PDE10A: variants seen among roughly 807,000 people sequenced by gnomAD.
PDE10A encodes the protein cAMP and cAMP-inhibited cGMP 3',5'-cyclic phosphodiesterase 10A.
Under a neutral mutation model 97.7 loss-of-function variants are expected in PDE10A, and 39 were observed. The ratio of observed to expected loss-of-function variants is 0.40; its 90% CI spans 0.31 to 0.52. The LOEUF (loss-of-function observed/expected upper bound fraction) is 0.52, where lower values mean the gene tolerates loss of function less well. Among genes scored for constraint, PDE10A ranks in the 20% least tolerant of loss-of-function variants. The pLI is 0.56. For synonymous variants in PDE10A, 371 were observed against 376.8 expected, an observed-to-expected ratio of 0.98 and a Z score of 0.18; for missense variants, 731 against 1,047.8, an observed-to-expected ratio of 0.70 and a Z score of 4.17.
intron 1 of PDE10A, among the ~76,000 whole-genome samples, chr6:165,787,134 C>T (rs1006924259): frequency 1.1e-4 from 16 of 151,258 alleles, no homozygotes; most frequent in African/African-American, 3.6e-4. Flanking sequence ...CTTAAAGAAG[C>T]GAGATAAAAT....
chr6:165,603,181 A>G (rs1209923570), intron 1 of PDE10A, among the ~76,000 whole-genome samples: 2 of 152,372 alleles, frequency 1.3e-5, no homozygotes, highest in East Asian at 3.9e-4. Flanking sequence ...ACTCTGCATG[A>G]GTAAACGTAC....
At chr6:165,499,180 G>A (rs1780722247) in intron 2 of PDE10A, among the ~76,000 whole-genome samples, 1 of 152,168 alleles carries the variant, frequency 6.6e-6, no homozygotes, top group South Asian at 2.1e-4. Flanking sequence ...GTCTGATCAG[G>A]CCAACAGTAG....
intron 1 of PDE10A, chr6:165,948,279 G>A (rs1234045712): frequency 1.3e-5 from 2 of 152,172 alleles, no homozygotes; most frequent in Non-Finnish European, 2.9e-5. Flanking sequence ...GATAGGTAGA[G>A]GAAGTTCCTA....
chr6:165,455,863 A>G (rs1287824031), intron 3 of PDE10A, among the ~76,000 whole-genome samples: 1 of 148,748 alleles, frequency 6.7e-6, no homozygotes, highest in Non-Finnish European at 1.5e-5. Context: ...AAAACTTCTC[A>G]GTTATTTTCT....
chr6:165,485,922 G>A (rs569259401), intron 2 of PDE10A, among the ~76,000 whole-genome samples: 9 of 152,318 alleles, frequency 5.9e-5, no homozygotes, highest in East Asian at 1.9e-4. Context: ...GGCTAACTGC[G>A]TTGCTGAAGC....
At chr6:165,788,312 G>A (rs1261805202) in intron 1 of PDE10A, among the ~76,000 whole-genome samples, 1 of 151,986 alleles carries the variant, frequency 6.6e-6, no homozygotes, top group African/African-American at 2.4e-5. Context: ...GAGGTCGGGA[G>A]TTGGAGGCCA....
intron 1 of PDE10A, among the ~76,000 whole-genome samples, chr6:165,557,162 ACT>A (rs1375992499): frequency 1.3e-5 from 2 of 152,202 alleles, no homozygotes; most frequent in East Asian, 3.9e-4. Context: ...TCTTATAAAT[ACT>A]CCCATAGAAA....
At chr6:165,347,340 A>G (rs1782381480) in intron 18 of PDE10A, among the ~76,000 whole-genome samples, 1 of 152,172 alleles carries the variant, frequency 6.6e-6, no homozygotes, top group African/African-American at 2.4e-5. Flanking sequence ...AACATAAATA[A>G]CTTTCATATA....
rs142377520 is a variant in PDE10A, at chr6:165,944,131, G to T, written c.-615+43398C>A. On this transcript the variant is annotated intron_variant, in intron 1 of 19. Coordinates refer to the PDE10A transcript ENST00000366882. ...GCAAGAATAAGTGCTGAACAAAAAG[G>T]GGGGAAATCCCTTCTTAAAACCATC... is the stretch of plus-strand genomic sequence containing the variant. 3.9e-5 allele frequency among the ~76,000 whole-genome samples: 6 copies of T among 152,288 alleles called. No homozygotes were observed. The East Asian group carries it at 1.2e-3, about 29-fold the overall frequency.
At chr6:165,547,752 C>G (rs1353476960) in intron 1 of PDE10A, among the ~76,000 whole-genome samples, 1 of 152,090 alleles carries the variant, frequency 6.6e-6, no homozygotes, top group Non-Finnish European at 1.5e-5. Context: ...TGAGTTTCCA[C>G]GCATAATAAT....
rs1019551954 is a variant in PDE10A, at chr6:165,388,605, C to T, written c.2455-152G>A. On this transcript the variant is annotated intron_variant, in intron 16 of 21. Coordinates refer to ENST00000539869, the MANE Select transcript of PDE10A (RefSeq NM_001385079.1). This position sits in a 1 kb window ranked among gnomAD's most constrained non-coding sequence, Gnocchi z 4.0. ...AAGAATCCTATACAAATAGAGCAAACCCTTAGGAATCTTGGAAATTCCAGA... is the reference window on the plus strand; with the variant it reads ...AAGAATCCTATACAAATAGAGCAAATCCTTAGGAATCTTGGAAATTCCAGA... The T allele has an allele frequency of 3.0e-6, 2 of 664,144 alleles. No homozygotes were observed. The highest frequency in any genetic ancestry group is 5.1e-6 in the Non-Finnish European group (2 of 391,340). The allele number at this position is 664,144 out of a possible 1,614,324, so 41.1% of individuals were successfully genotyped here.
At chr6:165,903,306 C>T (rs1782165260) in intron 1 of PDE10A, among the ~76,000 whole-genome samples, 1 of 152,166 alleles carries the variant, frequency 6.6e-6, no homozygotes, top group African/African-American at 2.4e-5. Flanking sequence ...TGCAGTGGAA[C>T]ATGGAGGAAG....
At chr6:165,923,448 G>A (rs938261472) in intron 1 of PDE10A, among the ~76,000 whole-genome samples, 12 of 152,238 alleles carry the variant, frequency 7.9e-5, no homozygotes, top group African/African-American at 2.9e-4. Flanking sequence ...CCGTCGATAT[G>A]TAGATACATT....
chr6:165,472,410 T>C (rs1779066498), intron 3 of PDE10A, among the ~76,000 whole-genome samples: 1 of 152,176 alleles, frequency 6.6e-6, no homozygotes, highest in African/African-American at 2.4e-5. Context: ...GGAATTGATC[T>C]ATTTAAAGAG....
chr6:165,506,645 G>A (rs1007251005), intron 2 of PDE10A, among the ~76,000 whole-genome samples: 6 of 152,042 alleles, frequency 3.9e-5, no homozygotes, highest in South Asian at 2.1e-4. Context: ...TAAAACTTCC[G>A]GCACTCATAG....
chr6:165,626,272 T>C (rs1299571346), intron 1 of PDE10A, among the ~76,000 whole-genome samples: 1 of 152,258 alleles, frequency 6.6e-6, no homozygotes, highest in African/African-American at 2.4e-5. Flanking sequence ...TGAAGGTGTT[T>C]ATTCCAGATG....
At chr6:165,692,908 A>G (rs1791343261) in intron 1 of PDE10A, among the ~76,000 whole-genome samples, 1 of 152,204 alleles carries the variant, frequency 6.6e-6, no homozygotes, top group African/African-American at 2.4e-5. Flanking sequence ...CTAAATCCGC[A>G]GTGTCTGTAC....
At chr6:165,779,026 A>G (rs1393633671) in intron 1 of PDE10A, among the ~76,000 whole-genome samples, 1 of 152,168 alleles carries the variant, frequency 6.6e-6, no homozygotes, top group East Asian at 1.9e-4. Context: ...TAATTGTAAT[A>G]GGGTCAAGTT....
At chr6:165,658,661 A>G (rs921209495) in intron 1 of PDE10A, among the ~76,000 whole-genome samples, 20 of 152,242 alleles carry the variant, frequency 1.3e-4, no homozygotes, top group Non-Finnish European at 2.4e-4. Context: ...TGCCACTCAC[A>G]CTGGTCTGTC....
Sources: allele counts gnomAD v4.1 joint callset (sites outside exome capture counted in the v4.1 genomes callset), GRCh38; gene constraint gnomAD v4.1.1; non-coding constraint Gnocchi (gnomAD v3.1); transcripts MANE v1.5; gene names NCBI Gene and HGNC (gene_info 2026-07-23, HGNC 2026-07-21).